NRG2: variants seen among roughly 807,000 people sequenced by gnomAD.
NRG2 encodes neuregulin 2.
A neutral mutation model predicts 73.9 loss-of-function variants in NRG2; 27 were observed. The ratio of observed to expected loss-of-function variants is 0.37; its 90% CI spans 0.27 to 0.50. NRG2 has a LOEUF of 0.50. NRG2 is among the 20% of genes least tolerant of loss of function. The pLI is 0.96. For missense variants in NRG2, 1,126 were observed against 1,210.1 expected (o/e 0.93, Z 1.03); for synonymous variants, 532 against 541.0 (o/e 0.98, Z 0.23).
intron 1 of NRG2, among the ~76,000 whole-genome samples, chr5:140,009,615 C>T (rs1373317801): frequency 6.6e-6 from 1 of 152,186 alleles, no homozygotes; most frequent in Non-Finnish European, 1.5e-5. Context: ...TGCATTCCCA[C>T]CAACAATGAA....
In NRG2 at chr5:140,043,032, G is replaced by C; in HGVS notation, c.38C>G (p.Pro13Arg). The C allele has an allele frequency of 6.5e-7, 1 of 1,536,442 alleles. No individual in the cohort carries two copies. The highest frequency in any genetic ancestry group is 8.7e-7 in the Non-Finnish European group (1 of 1,146,926). The part of the protein sequence containing the change: ...QVCCSALPPP[P>R]LEKGRCSSYS... ...GCTGCTGCACCGACCCTTCTCCAGTGGCGGCGGCGGCAGCGCTGAGCAGCA... is the reference window on the plus strand; with the variant it reads ...GCTGCTGCACCGACCCTTCTCCAGTCGCGGCGGCGGCAGCGCTGAGCAGCA... The change falls in exon 1 of 10, where the codon CCA becomes CGA. Residue 13 changes from proline to arginine, a missense_variant. Coordinates refer to ENST00000361474, the MANE Select transcript of NRG2 (RefSeq NM_004883.3). This position sits in a 1 kb window ranked among gnomAD's most constrained non-coding sequence, Gnocchi z 6.7.
chr5:139,992,467 T>A (rs1032339969), intron 1 of NRG2, among the ~76,000 whole-genome samples: 2 of 152,196 alleles, frequency 1.3e-5, no homozygotes, highest in African/African-American at 4.8e-5. Flanking sequence ...CTTTTGTCTC[T>A]CATTTCTTTT....
In NRG2 at chr5:140,042,831, C is replaced by T. The variant is rs1276697739; in HGVS notation, c.239G>A (p.Arg80Lys). Reference sequence around the variant, plus strand: ...TGCGGCTCGCGAACGGGCGGCGGCTCTCCGGGCTGCGGGGCTGCGGGGCTG... The same window carrying T: ...TGCGGCTCGCGAACGGGCGGCGGCTTTCCGGGCTGCGGGGCTGCGGGGCTG... ...QPQPRSPAAR[R>K]AAARSRAAAA... is the part of the protein sequence containing the mutation. Residue 80 changes from arginine to lysine, a missense_variant, in exon 1 of 10, where the codon AGA becomes AAA. Physicochemically the swap from Arg to Lys is conservative, Grantham distance 26 (BLOSUM62 2). Around this residue, in one of 3 missense-constraint regions of NRG2, gnomAD observed 185 missense variants for 149.0 expected, o/e 1.24. Transcript: ENST00000361474. 9 of 1,488,296 alleles carry T rather than the reference C, an allele frequency of 6.0e-6. No homozygotes were observed. The highest frequency in any genetic ancestry group is 4.4e-5 in the Admixed American group (2 of 45,788). 92.2% of individuals were successfully genotyped at this position (1,488,296 alleles called of 1,614,324 possible).
At chr5:139,949,806 C>T (rs1460339252) in intron 1 of NRG2, among the ~76,000 whole-genome samples, 4 of 152,272 alleles carry the variant, frequency 2.6e-5, no homozygotes, top group South Asian at 4.1e-4. Context: ...TCATATTTAC[C>T]AGCTGCCCCT....
At chr5:139,906,995 G>A (rs867309147) in intron 1 of NRG2, among the ~76,000 whole-genome samples, 20 of 152,084 alleles carry the variant, frequency 1.3e-4, no homozygotes, top group African/African-American at 4.6e-4. Flanking sequence ...GTGTGTGTGC[G>A]TGTGTGTGCA....
chr5:139,904,080 C>T lies in NRG2; in HGVS notation c.701-16569G>A, dbSNP rs1765059046. ...GCCCGCCCCTGCGTGGGGACGCGGCCGCCCGGGGAGAGGCGCGCACAGCCA... is the reference window on the plus strand; with the variant it reads ...GCCCGCCCCTGCGTGGGGACGCGGCTGCCCGGGGAGAGGCGCGCACAGCCA... On this transcript the variant is annotated intron_variant, in intron 1 of 9. Transcript: ENST00000361474. The surrounding 1 kb of genome is among the most constrained non-coding windows in gnomAD (Gnocchi z 6.0). Among the ~76,000 whole-genome samples the T allele has an allele frequency of 6.6e-6, 1 of 152,166 alleles. No homozygotes were observed. Among genetic ancestry groups the T allele is most frequent in the Non-Finnish European group, 1.5e-5 (1 of 68,018 alleles).
chr5:139,909,965 A>T (rs1403045415), intron 1 of NRG2, among the ~76,000 whole-genome samples: 1 of 152,196 alleles, frequency 6.6e-6, no homozygotes, highest in African/African-American at 2.4e-5. Flanking sequence ...TTCTTCTCTT[A>T]AAAAAGTTTA....
chr5:140,015,916 A>G (rs946820669), intron 1 of NRG2, among the ~76,000 whole-genome samples: 1 of 152,246 alleles, frequency 6.6e-6, no homozygotes, highest in African/African-American at 2.4e-5. Flanking sequence ...TGGAAAATCA[A>G]GTTACTTCAA....
chr5:139,949,837 G>C (rs1754061234), intron 1 of NRG2, among the ~76,000 whole-genome samples: 1 of 152,174 alleles, frequency 6.6e-6, no homozygotes, highest in Non-Finnish European at 1.5e-5. Context: ...TGCTCACCTT[G>C]GTTTTGGAGC....
intron 1 of NRG2, among the ~76,000 whole-genome samples, chr5:139,909,119 G>T (rs139284392): frequency 2.6e-5 from 4 of 152,190 alleles, no homozygotes; most frequent in Non-Finnish European, 5.9e-5. Flanking sequence ...ACAATGGGAC[G>T]CTAATAGTAA....
intron 1 of NRG2, among the ~76,000 whole-genome samples, chr5:139,890,000 A>G (rs1466069161): frequency 1.3e-5 from 2 of 152,206 alleles, no homozygotes; most frequent in African/African-American, 4.8e-5. Flanking sequence ...ATCTTCCTAA[A>G]AGTGGAATTG....
intron 1 of NRG2, among the ~76,000 whole-genome samples, chr5:139,977,429 T>G (rs1412218355): frequency 6.6e-6 from 1 of 152,108 alleles, no homozygotes; most frequent in Admixed American, 6.5e-5. Flanking sequence ...CTGCTCCAAA[T>G]TCTAACCAGA....
intron 1 of NRG2, among the ~76,000 whole-genome samples, chr5:140,004,812 T>G (rs1343580155): frequency 6.6e-6 from 1 of 152,202 alleles, no homozygotes; most frequent in Non-Finnish European, 1.5e-5. Flanking sequence ...GCTTATAGTT[T>G]AGTTAATAGT....
intron 1 of NRG2, among the ~76,000 whole-genome samples, chr5:139,981,615 T>C (rs1013400371): frequency 3.3e-5 from 5 of 152,170 alleles, no homozygotes; most frequent in African/African-American, 1.2e-4. Context: ...CCCTCAGGAA[T>C]AGGGGAGTGA....
intron 1 of NRG2, among the ~76,000 whole-genome samples, chr5:140,029,349 A>G (rs1473008016): frequency 6.6e-6 from 1 of 152,216 alleles, no homozygotes; most frequent in African/African-American, 2.4e-5. Context: ...AATGACAGAC[A>G]TGACAGTAAT....
At chr5:139,953,603 C>T (rs1019782409) in intron 1 of NRG2, among the ~76,000 whole-genome samples, 17 of 152,126 alleles carry the variant, frequency 1.1e-4, no homozygotes, top group African/African-American at 3.9e-4. Flanking sequence ...GCCCAGCCAG[C>T]GTTTTCTGGA....
intron 1 of NRG2, among the ~76,000 whole-genome samples, chr5:139,917,265 T>A (rs1751326155): frequency 6.6e-6 from 1 of 152,206 alleles, no homozygotes; most frequent in Admixed American, 6.5e-5. Flanking sequence ...TTTTTTTGTT[T>A]TTTTGAGACA....
At chr5:140,038,423 T>C (rs1761669038) in intron 1 of NRG2, among the ~76,000 whole-genome samples, 1 of 152,206 alleles carries the variant, frequency 6.6e-6, no homozygotes, top group South Asian at 2.1e-4. Flanking sequence ...CAAATCCCAT[T>C]AACACTAATC....
chr5:139,941,863 G>A (rs1256228634), intron 1 of NRG2, among the ~76,000 whole-genome samples: 1 of 152,144 alleles, frequency 6.6e-6, no homozygotes. Context: ...CCCATAGCAT[G>A]GGAAGAGTGT....
Sources: gnomAD v4.1 joint callset for allele counts (sites outside exome capture counted in the v4.1 genomes callset) on GRCh38, gnomAD v4.1.1 for gene constraint, gnomAD v4.1.1 regional missense constraint, Gnocchi (gnomAD v3.1) non-coding constraint, MANE v1.5 for transcripts, NCBI Gene and HGNC (gene_info 2026-07-23, HGNC 2026-07-21) for gene names.